LRRC39: variants seen among roughly 807,000 people sequenced by gnomAD.
LRRC39 encodes the protein leucine-rich repeat-containing protein 39.
Under a neutral mutation model 39.7 loss-of-function variants are expected in LRRC39, and 35 were observed. The ratio of observed to expected loss-of-function variants is 0.88; its 90% CI spans 0.67 to 1.17. The LOEUF is 1.17. Among genes scored for constraint, LRRC39 ranks in the 50% most tolerant of loss-of-function variants. The pLI, the probability that LRRC39 is intolerant of heterozygous loss-of-function variation, is 0.00. For missense variants in LRRC39, 357 were observed against 385.8 expected (o/e 0.93, Z 0.62); for synonymous variants, 113 against 134.1 (o/e 0.84, Z 1.09).
At chr1:100,169,413 GTAT>G (rs796215424) in intron 2 of LRRC39, among the ~76,000 whole-genome samples, 3 of 152,166 alleles carry the variant, frequency 2.0e-5, no homozygotes, top group South Asian at 4.1e-4. Flanking sequence ...ATCAATGGTG[GTAT>G]TATTATATTC....
intron 2 of LRRC39, among the ~76,000 whole-genome samples, chr1:100,172,959 C>CAAA (rs35628050): frequency 2.8e-5 from 3 of 106,796 alleles, no homozygotes; most frequent in African/African-American, 9.4e-5. Flanking sequence ...GACTCTGTCT[C>CAAA]AAAAAAAAAA....
At chr1:100,149,362 T>G in intron 9 of LRRC39, 1 of 1,543,440 alleles carries the variant, frequency 6.5e-7, no homozygotes, top group South Asian at 1.2e-5. Context: ...ATTAATGAAG[T>G]CACCTTCAAA....
intron 4 of LRRC39, among the ~76,000 whole-genome samples, chr1:100,160,200 A>G (rs1359785713): frequency 3.3e-5 from 5 of 152,194 alleles, no homozygotes; most frequent in Admixed American, 6.5e-5. Context: ...TTTTTATGGG[A>G]AATGAGAGGT....
At chr1:100,165,968 G>T (rs186419509) in intron 3 of LRRC39, among the ~76,000 whole-genome samples, 137 of 149,528 alleles carry the variant, frequency 9.2e-4, no homozygotes, top group African/African-American at 3.3e-3. Context: ...TCTGCTTCCT[G>T]GGTTCAAGCA....
chr1:100,151,976 A>G (rs137909808), intron 9 of LRRC39, among the ~76,000 whole-genome samples: 2 of 152,240 alleles, frequency 1.3e-5, no homozygotes, highest in East Asian at 3.9e-4. Context: ...CAAACAAACA[A>G]ACAAAAAACT....
intron 8 of LRRC39, among the ~76,000 whole-genome samples, chr1:100,153,914 G>T (rs1262499807): frequency 6.6e-6 from 1 of 151,934 alleles, no homozygotes; most frequent in African/African-American, 2.4e-5. Context: ...CACCACTCCC[G>T]ACTAATATAT....
At chr1:100,158,428 AG>A in intron 5 of LRRC39, 61 bp from the exon 6 acceptor site, 2 of 1,487,086 alleles carry the variant, frequency 1.3e-6, no homozygotes, top group East Asian at 4.6e-5. Flanking sequence ...ATAGTTATTA[AG>A]GTATTACAGC....
rs759126549 is a variant in LRRC39, at chr1:100,155,043, CTT to C, written c.812+6_812+7del. On this transcript the variant is annotated splice_donor_region_variant and intron_variant, in intron 8 of 9. Transcript: ENST00000370137. ...AGGTTTTTCAGTTTTGTGCCTACAA[CTT>C]TTTACCTCAGATTTGCCATTTCTTC... The C allele has an allele frequency of 6.4e-7, 1 of 1,559,464 alleles. No individual in the cohort carries two copies. Among genetic ancestry groups the C allele is most frequent in the African/African-American group, 1.4e-5 (1 of 71,678 alleles).
chr1:100,148,746 C>T lies in LRRC39; in HGVS notation c.*296G>A. 6.3e-7 allele frequency: 1 copy of T among 1,577,774 alleles called. No homozygotes were observed. Among genetic ancestry groups the T allele is most frequent in the Non-Finnish European group, 8.6e-7 (1 of 1,165,706 alleles). On this transcript the variant is annotated 3_prime_UTR_variant, in exon 10 of 10. Coordinates refer to ENST00000370137, the MANE Select transcript of LRRC39 (RefSeq NM_144620.4). ...TCCTGCTTTGCAGTACTATACAGAC[C>T]CTCTGGTGTCTTTGGAAAATGTTTT... is the stretch of plus-strand genomic sequence containing the variant.
chr1:100,164,009 G>A (rs1348804444), intron 3 of LRRC39, among the ~76,000 whole-genome samples: 3 of 152,088 alleles, frequency 2.0e-5, no homozygotes, highest in Non-Finnish European at 4.4e-5. Context: ...GGAGGCAGAG[G>A]TTGCAGTGAG....
chr1:100,149,064 A>C lies in LRRC39; in HGVS notation c.986T>G (p.Ile329Ser). The C allele has an allele frequency of 6.2e-7, 1 of 1,601,152 alleles. No homozygotes were observed. Among genetic ancestry groups the C allele is most frequent in the Non-Finnish European group, 8.5e-7 (1 of 1,175,396 alleles). The change falls in exon 10 of 10, where the codon ATC becomes AGC. Residue 329 changes from isoleucine (I) to serine (S), a missense_variant. By Grantham distance (142) the Ile-to-Ser change is moderately radical (BLOSUM62 -2). Transcript: ENST00000370137. ...ATATTATCCATCCGTATTTATGGAG[A>C]TTGGTAAAGTAGTTGAACCGTTGAC... ...HQVNGSTTLP[I>S]SINTDG
Position 100,168,411 on chromosome 1 carries a change from G to C in LRRC39, c.106C>G (p.Gln36Glu). ...NEDLKREKEF[Q>E]HKLVRIWEER... ...AAATATGTTTTAGCATACTTGTGTT[G>C]AAATTCCTTCTCTCGCTTCAGGTCT... Residue 36 changes from glutamine to glutamate, a missense_variant, in exon 3 of 10, where the codon CAA becomes GAA. Physicochemically the swap from Gln to Glu is conservative, Grantham distance 29 (BLOSUM62 2). Transcript: ENST00000370137. 1.9e-6 allele frequency: 3 copies of C among 1,603,688 alleles called. No homozygotes were observed. The highest frequency in any genetic ancestry group is 2.6e-6 in the Non-Finnish European group (3 of 1,175,730).
intron 8 of LRRC39, 98 bp from the exon 9 acceptor site, chr1:100,152,622 GT>G (rs1181753006): frequency 9.8e-6 from 12 of 1,225,934 alleles, no homozygotes; most frequent in African/African-American, 7.6e-5. Flanking sequence ...TAAATTACTC[GT>G]TTTTAACTGG....
chr1:100,177,807 G>A (rs1660060610), intron 1 of LRRC39, among the ~76,000 whole-genome samples: 1 of 152,100 alleles, frequency 6.6e-6, no homozygotes, highest in Non-Finnish European at 1.5e-5. Flanking sequence ...AGTCAATAAT[G>A]ATATATTTCT....
intron 9 of LRRC39, chr1:100,149,381 G>C (rs1361786635): frequency 6.5e-7 from 1 of 1,545,670 alleles, no homozygotes; most frequent in Non-Finnish European, 8.7e-7. Context: ...AATTTCCAGA[G>C]CCATACATGT....
intron 3 of LRRC39, among the ~76,000 whole-genome samples, chr1:100,164,446 A>G (rs1659101821): frequency 6.6e-6 from 1 of 152,180 alleles, no homozygotes; most frequent in Non-Finnish European, 1.5e-5. Flanking sequence ...CCTACTCCAG[A>G]CTTACTAACC....
intron 9 of LRRC39, among the ~76,000 whole-genome samples, chr1:100,151,984 A>C (rs533195018): frequency 9.2e-5 from 14 of 151,952 alleles, no homozygotes; most frequent in African/African-American, 3.4e-4. Flanking sequence ...CAAACAAAAA[A>C]CTGTGTTCTC....
chr1:100,174,829 A>G (rs917602011), intron 1 of LRRC39, among the ~76,000 whole-genome samples: 1 of 152,216 alleles, frequency 6.6e-6, no homozygotes, highest in African/African-American at 2.4e-5. Context: ...TATAGTTTGA[A>G]TATATGTTCC....
At chr1:100,160,658 T>A (rs993442849) in intron 3 of LRRC39, 87 bp from the exon 4 acceptor site, 1 of 1,101,854 alleles carries the variant, frequency 9.1e-7, no homozygotes, top group Non-Finnish European at 1.3e-6. Context: ...AGAGTTTCAC[T>A]CTTTTGCCCA....
Sources: gnomAD v4.1 joint callset for allele counts (sites outside exome capture counted in the v4.1 genomes callset) on GRCh38, gnomAD v4.1.1 for gene constraint, MANE v1.5 for transcripts, NCBI Gene and HGNC (gene_info 2026-07-23, HGNC 2026-07-21) for gene names.